Variants in SUGCT observed in about 807,000 individuals in gnomAD.
SUGCT encodes the protein succinyl-CoA:glutarate CoA-transferase.
A neutral mutation model predicts 55.0 loss-of-function variants in SUGCT; 41 were observed. The observed-to-expected ratio is 0.74, with a 90% CI of 0.58 to 0.97. The LOEUF is 0.97. Ranked by LOEUF, SUGCT falls within the 50% of genes least tolerant of loss-of-function variation. The pLI, the probability that SUGCT is intolerant of heterozygous loss-of-function variation, is 0.00. For missense variants in SUGCT, 568 were observed against 547.8 expected (o/e 1.04, Z -0.37); for synonymous variants, 187 against 200.4 (o/e 0.93, Z 0.56).
intron 9 of SUGCT, among the ~76,000 whole-genome samples, chr7:40,391,740 T>C (rs1785443139): frequency 6.6e-6 from 1 of 152,074 alleles, no homozygotes. Flanking sequence ...TCCTCAAGGA[T>C]CTCAAACTAG....
chr7:40,806,870 C>T (rs1791124860), intron 13 of SUGCT, among the ~76,000 whole-genome samples: 1 of 152,198 alleles, frequency 6.6e-6, no homozygotes, highest in Admixed American at 6.5e-5. Context: ...ATCTGTATCT[C>T]AGAGGATGCA....
chr7:40,910,926 A>C, the SUGCT span, among the ~76,000 whole-genome samples: 1 of 152,242 alleles, frequency 6.6e-6, no homozygotes, highest in African/African-American at 2.4e-5. Flanking sequence ...TTGGTTTGTT[A>C]GTAGTAAAGA....
the SUGCT span, among the ~76,000 whole-genome samples, chr7:40,962,195 A>G: frequency 0.056 from 8,576 of 152,190 alleles, 256 homozygotes; most frequent in Middle Eastern, 0.078. Flanking sequence ...TGATTGGTGC[A>G]TTTTTACAGA....
chr7:40,776,708 T>C (rs983419230), intron 13 of SUGCT, among the ~76,000 whole-genome samples: 1 of 152,192 alleles, frequency 6.6e-6, no homozygotes, highest in African/African-American at 2.4e-5. Flanking sequence ...TAAATCACTC[T>C]CTTGCACATT....
intron 12 of SUGCT, among the ~76,000 whole-genome samples, chr7:40,699,201 A>G (rs1260897249): frequency 1.3e-5 from 2 of 152,234 alleles, no homozygotes; most frequent in Non-Finnish European, 2.9e-5. Flanking sequence ...TCCTCAGGCT[A>G]TCAAAGATGG....
At chr7:40,420,628 C>T (rs748807177) in intron 9 of SUGCT, among the ~76,000 whole-genome samples, 3 of 152,100 alleles carry the variant, frequency 2.0e-5, no homozygotes, top group South Asian at 2.1e-4. Flanking sequence ...CATGAGCCAC[C>T]GTGCCTGGCC....
chr7:40,498,727 G>C (rs1040537102), intron 12 of SUGCT, among the ~76,000 whole-genome samples: 7 of 152,162 alleles, frequency 4.6e-5, no homozygotes, highest in African/African-American at 1.7e-4. Flanking sequence ...TTGCAGGATG[G>C]TAAACAGCCA....
At chr7:40,592,098 A>G (rs11974721) in intron 12 of SUGCT, among the ~76,000 whole-genome samples, 1 of 152,160 alleles carries the variant, frequency 6.6e-6, no homozygotes, top group South Asian at 2.1e-4. Flanking sequence ...GAAAGTGTCA[A>G]ATTTACATTA....
At chr7:40,683,855 C>T (rs1003705909) in intron 12 of SUGCT, among the ~76,000 whole-genome samples, 1 of 152,174 alleles carries the variant, frequency 6.6e-6, no homozygotes, top group Non-Finnish European at 1.5e-5. Flanking sequence ...TTAAACAAAA[C>T]AAATGTATTA....
At chr7:40,281,700 A>C (rs1242685222) in intron 8 of SUGCT, among the ~76,000 whole-genome samples, 1 of 152,260 alleles carries the variant, frequency 6.6e-6, no homozygotes, top group African/African-American at 2.4e-5. Context: ...ATAATACAAA[A>C]CTATTGTAAT....
At chr7:40,639,271 T>C (rs1001329176) in intron 12 of SUGCT, among the ~76,000 whole-genome samples, 2 of 152,186 alleles carry the variant, frequency 1.3e-5, no homozygotes, top group East Asian at 1.9e-4. Flanking sequence ...AATTTACCGC[T>C]ACATTCCCAG....
At chr7:40,238,082 CTT>C (rs1424681035) in intron 7 of SUGCT, among the ~76,000 whole-genome samples, 1 of 152,156 alleles carries the variant, frequency 6.6e-6, no homozygotes. Flanking sequence ...AATATTCCCT[CTT>C]TGAAATAAAA....
the SUGCT span, among the ~76,000 whole-genome samples, chr7:41,004,089 G>A: frequency 1.1e-4 from 17 of 152,178 alleles, no homozygotes; most frequent in African/African-American, 4.1e-4. Flanking sequence ...AAGGACATAT[G>A]TATCTGCTTG....
At chr7:40,867,337 A>G in the SUGCT span, among the ~76,000 whole-genome samples, 2 of 151,368 alleles carry the variant, frequency 1.3e-5, no homozygotes, top group African/African-American at 4.8e-5. Flanking sequence ...ATATGTGTAT[A>G]TATATGCTCT....
intron 12 of SUGCT, among the ~76,000 whole-genome samples, chr7:40,498,616 T>C (rs919617897): frequency 2.6e-5 from 4 of 152,142 alleles, no homozygotes; most frequent in Non-Finnish European, 5.9e-5. Context: ...GAGTCAAAAT[T>C]GGTGGGCAGT....
intron 8 of SUGCT, among the ~76,000 whole-genome samples, chr7:40,290,628 T>C (rs1793679027): frequency 6.6e-6 from 1 of 152,134 alleles, no homozygotes; most frequent in Non-Finnish European, 1.5e-5. Context: ...CCAAAAGCAA[T>C]GGCAACAAAA....
Position 40,166,102 on chromosome 7 carries a change from A to G in SUGCT, c.101-14845A>G, listed in dbSNP as rs1784412859. Among the ~76,000 whole-genome samples the G allele has an allele frequency of 2.0e-5, 3 of 152,226 alleles. No homozygotes were observed. The East Asian group carries it at 5.8e-4, about 29-fold the overall frequency. On this transcript the variant is annotated intron_variant, in intron 1 of 13. Coordinates refer to ENST00000335693, the MANE Select transcript of SUGCT (RefSeq NM_001193313.2). ...GTGCCTCTGCACTCCAGCCTGGGTG[A>G]CAGAGCTAGACTCCATCTTTAAAAA... is the stretch of plus-strand genomic sequence containing the variant.
At chr7:40,557,114 C>T (rs1221957089) in intron 12 of SUGCT, among the ~76,000 whole-genome samples, 1 of 152,186 alleles carries the variant, frequency 6.6e-6, no homozygotes, top group African/African-American at 2.4e-5. Flanking sequence ...GGAATCAGAA[C>T]AGTATGATCT....
At chr7:40,739,971 A>G (rs977844126) in intron 12 of SUGCT, among the ~76,000 whole-genome samples, 2 of 152,156 alleles carry the variant, frequency 1.3e-5, no homozygotes, top group African/African-American at 4.8e-5. Context: ...CTTTGGTAAG[A>G]ATTGCATTAA....
Sources: allele counts gnomAD v4.1 joint callset (sites outside exome capture counted in the v4.1 genomes callset), GRCh38; gene constraint gnomAD v4.1.1; transcripts MANE v1.5; gene names NCBI Gene and HGNC (gene_info 2026-07-23, HGNC 2026-07-21).